XKR6: variants seen among roughly 807,000 people sequenced by gnomAD.
XKR6 encodes XK related 6.
A neutral mutation model predicts 56.7 loss-of-function variants in XKR6; 22 were observed. The ratio of observed to expected loss-of-function variants is 0.39; its 90% CI spans 0.28 to 0.55. The LOEUF (loss-of-function observed/expected upper bound fraction) is 0.55, where lower values mean the gene tolerates loss of function less well. XKR6 is among the 20% of genes least tolerant of loss of function. The pLI is 0.66. For synonymous variants in XKR6, 524 were observed against 387.8 expected, an observed-to-expected ratio of 1.35 and a Z score of -4.13; for missense variants, 852 against 889.0, an observed-to-expected ratio of 0.96 and a Z score of 0.53.
At chr8:10,987,677 G>T (rs6601545) in intron 1 of XKR6, among the ~76,000 whole-genome samples, 1 of 152,102 alleles carries the variant, frequency 6.6e-6, no homozygotes, top group South Asian at 2.1e-4. Flanking sequence ...TCTGCTCAAA[G>T]CCCTACCATG....
At position 10,997,398 on chromosome 8, in the gene XKR6, T is replaced by G. The variant is rs1383486216; in HGVS notation, c.765-72568A>C. ...GGTACAAATGCTGTCCAAGGCTACATAGCCAACAAATAGGGCAGCCAGGAT... is the reference window on the plus strand; with the variant it reads ...GGTACAAATGCTGTCCAAGGCTACAGAGCCAACAAATAGGGCAGCCAGGAT... On this transcript the variant is annotated intron_variant, in intron 1 of 2. Transcript: ENST00000416569. Among the ~76,000 whole-genome samples, 4 of 152,190 alleles carry G rather than the reference T, an allele frequency of 2.6e-5. 1 individual carries two copies. The East Asian group carries it at 7.7e-4, about 29-fold the overall frequency.
In XKR6 at chr8:11,190,233, AAAAAGAAAAAAG is replaced by A. The variant is rs1201668770; in HGVS notation, c.764+10331_764+10342del. Among the ~76,000 whole-genome samples the A allele has an allele frequency of 3.9e-5, 5 of 128,718 alleles. No individual in the cohort carries two copies. In the East Asian group the frequency reaches 9.9e-4, roughly 26 times the overall value. 84.4% of individuals were successfully genotyped at this position (128,718 alleles called of 152,430 possible). A position where few individuals can be genotyped will look rare whatever the true frequency, so the allele number is the denominator to read the frequency against. ...GAAAGAAAGAAAGAAAGAGAAAAGA[AAAAAGAAAAAAG>A]AAAAGAAAAGAAAGGAAAGGAAAAG... On this transcript the variant is annotated intron_variant, in intron 1 of 2. Coordinates refer to ENST00000416569, the MANE Select transcript of XKR6 (RefSeq NM_173683.4).
chr8:11,148,458 A>T (rs1374080598), intron 1 of XKR6, among the ~76,000 whole-genome samples: 1 of 152,154 alleles, frequency 6.6e-6, no homozygotes, highest in East Asian at 1.9e-4. Context: ...AGACTCCAGA[A>T]CTCTGAAGAA....
intron 1 of XKR6, among the ~76,000 whole-genome samples, chr8:10,999,824 C>T (rs895873328): frequency 1.3e-5 from 2 of 152,116 alleles, no homozygotes; most frequent in Middle Eastern, 3.2e-3. Flanking sequence ...AGCTCCAGGC[C>T]ATGATGCAAA....
At chr8:10,976,271 G>A (rs147353825) in intron 1 of XKR6, among the ~76,000 whole-genome samples, 1 of 152,254 alleles carries the variant, frequency 6.6e-6, no homozygotes, top group East Asian at 1.9e-4. Flanking sequence ...TTGAATGAGT[G>A]ACTGATTGTA....
chr8:11,178,572 A>ATATATATG (rs1563197891), intron 1 of XKR6, among the ~76,000 whole-genome samples: 1 of 140,846 alleles, frequency 7.1e-6, no homozygotes, highest in African/African-American at 2.6e-5. Flanking sequence ...ATATATATAT[A>ATATATATG]TGTATATATA....
At chr8:11,046,962 G>A (rs1799425412) in intron 1 of XKR6, among the ~76,000 whole-genome samples, 1 of 152,160 alleles carries the variant, frequency 6.6e-6, no homozygotes, top group Admixed American at 6.5e-5. Context: ...CATAGAAGCA[G>A]AGAGGAGGAC....
At chr8:11,098,385 G>T (rs1329405020) in intron 1 of XKR6, among the ~76,000 whole-genome samples, 2 of 152,100 alleles carry the variant, frequency 1.3e-5, no homozygotes. Context: ...AGGACCCAGT[G>T]GACTCGGTGA....
chr8:10,927,676 G>A (rs570282656), intron 1 of XKR6, among the ~76,000 whole-genome samples: 21 of 152,196 alleles, frequency 1.4e-4, no homozygotes, highest in African/African-American at 4.8e-4. Context: ...CACCAAGGCC[G>A]GGGCAAAGGA....
intron 1 of XKR6, among the ~76,000 whole-genome samples, chr8:10,966,234 T>C (rs563212387): frequency 6.6e-6 from 1 of 151,628 alleles, no homozygotes; most frequent in Non-Finnish European, 1.5e-5. Flanking sequence ...GGCCCAGGAA[T>C]TTCCATTTCT....
At chr8:11,144,026 A>T (rs1490792149) in intron 1 of XKR6, among the ~76,000 whole-genome samples, 2 of 151,902 alleles carry the variant, frequency 1.3e-5, no homozygotes, top group Admixed American at 6.6e-5. Flanking sequence ...TTCTTTTAAG[A>T]AGTTGCCAGC....
chr8:11,123,989 G>C, intron 1 of XKR6: 1 of 456,138 alleles, frequency 2.2e-6, no homozygotes, highest in South Asian at 1.5e-5. Context: ...GCCGTGAGCA[G>C]CCTCTCTAAA....
At chr8:11,149,640 T>C (rs1213851318) in intron 1 of XKR6, among the ~76,000 whole-genome samples, 1 of 151,764 alleles carries the variant, frequency 6.6e-6, no homozygotes. Context: ...ACTGTTACTG[T>C]TGCTGAGAAT....
chr8:10,949,708 C>A (rs1410471519), intron 1 of XKR6, among the ~76,000 whole-genome samples: 1 of 152,202 alleles, frequency 6.6e-6, no homozygotes, highest in Non-Finnish European at 1.5e-5. Flanking sequence ...TCCAAGGACA[C>A]AAAGTCAAGG....
chr8:11,166,099 G>A (rs1221946455), intron 1 of XKR6, among the ~76,000 whole-genome samples: 2 of 152,092 alleles, frequency 1.3e-5, no homozygotes, highest in African/African-American at 4.8e-5. Flanking sequence ...GGGATTTACA[G>A]GCGCATGCCA....
rs1257939571 is a variant in XKR6 at position 10,928,835 on chromosome 8, G to A, written c.765-4005C>T. Among the ~76,000 whole-genome samples, 7 of 152,326 alleles carry A rather than the reference G, an allele frequency of 4.6e-5. No homozygotes were observed. The East Asian group carries it at 1.4e-3, about 29-fold the overall frequency. On this transcript the variant is annotated intron_variant, in intron 1 of 2. Coordinates refer to ENST00000416569, the MANE Select transcript of XKR6 (RefSeq NM_173683.4). Reference sequence around the variant, plus strand: ...AGCTTACCGCACCGTTCTCCAGGAAGGTATCTCTTGGGAGAGAAGACACCA... The same window carrying A: ...AGCTTACCGCACCGTTCTCCAGGAAAGTATCTCTTGGGAGAGAAGACACCA...
chr8:11,018,794 C>T (rs1336902989), intron 1 of XKR6, among the ~76,000 whole-genome samples: 6 of 152,126 alleles, frequency 3.9e-5, no homozygotes, highest in African/African-American at 1.2e-4. Context: ...AAAAGAAGAC[C>T]CAAACTCCTT....
chr8:11,117,917 A>G (rs1049696319), intron 1 of XKR6, among the ~76,000 whole-genome samples: 1 of 152,196 alleles, frequency 6.6e-6, no homozygotes, highest in Non-Finnish European at 1.5e-5. Flanking sequence ...TTCAAAAGCA[A>G]TATAAACCCA....
chr8:11,108,383 C>A (rs1463176973), intron 1 of XKR6: 3 of 455,426 alleles, frequency 6.6e-6, no homozygotes, highest in South Asian at 4.7e-5. Flanking sequence ...CGCTGTAAAT[C>A]TGATACCCCA....
Sources: allele counts gnomAD v4.1 joint callset (sites outside exome capture counted in the v4.1 genomes callset), GRCh38; gene constraint gnomAD v4.1.1; transcripts MANE v1.5; gene names NCBI Gene and HGNC (gene_info 2026-07-23, HGNC 2026-07-21).